TMEM87A: variants seen among roughly 807,000 people sequenced by gnomAD.
TMEM87A encodes the protein transmembrane protein 87A, also known as Golgi-pH regulating cation channel.
Under a neutral mutation model 90.0 loss-of-function variants are expected in TMEM87A, and 50 were observed. The ratio of observed to expected loss-of-function variants is 0.56; its 90% CI spans 0.44 to 0.70. TMEM87A has a LOEUF of 0.70. Among genes scored for constraint, TMEM87A ranks in the 30% least tolerant of loss-of-function variants. TMEM87A has a pLI of 0.00. For missense variants in TMEM87A, 577 were observed against 660.5 expected, an observed-to-expected ratio of 0.87 and a Z score of 1.39; for synonymous variants, 226 against 226.7, an observed-to-expected ratio of 1.00 and a Z score of 0.03.
At chr15:42,213,319 T>C (rs1268707207) in intron 19 of TMEM87A, among the ~76,000 whole-genome samples, 1 of 152,182 alleles carries the variant, frequency 6.6e-6, no homozygotes, top group African/African-American at 2.4e-5. Flanking sequence ...AAGTGGAAGT[T>C]TGGACTAGCA....
chr15:42,215,414 T>TTTCTTGTTG (rs1201440728), intron 19 of TMEM87A, among the ~76,000 whole-genome samples: 15 of 152,272 alleles, frequency 9.9e-5, no homozygotes, highest in African/African-American at 3.6e-4. Context: ...GGCAGGAGAA[T>TTTCTTGTTG]GGCGTGAACC....
At chr15:42,265,190 G>A (rs930655116) in intron 3 of TMEM87A, among the ~76,000 whole-genome samples, 5 of 152,178 alleles carry the variant, frequency 3.3e-5, no homozygotes, top group East Asian at 3.9e-4. Context: ...ATGTCTTTAC[G>A]GTAGAATGAT....
intron 6 of TMEM87A, chr15:42,258,237 A>G: frequency 1.2e-6 from 1 of 867,240 alleles, no homozygotes; most frequent in Non-Finnish European, 1.4e-6. Context: ...TACAAAAAAA[A>G]GTCATATAAT....
At chr15:42,215,693 G>A (rs1478156920) in intron 19 of TMEM87A, among the ~76,000 whole-genome samples, 1 of 152,096 alleles carries the variant, frequency 6.6e-6, no homozygotes, top group Non-Finnish European at 1.5e-5. Context: ...ACCACAAGGT[G>A]TCACGTCACA....
At chr15:42,268,721 T>C (rs1171278608) in intron 2 of TMEM87A, among the ~76,000 whole-genome samples, 1 of 151,788 alleles carries the variant, frequency 6.6e-6, no homozygotes, top group African/African-American at 2.4e-5. Context: ...TACAAAGGTA[T>C]AATGGCACAC....
intron 15 of TMEM87A, among the ~76,000 whole-genome samples, chr15:42,220,859 T>G (rs1032579134): frequency 6.6e-6 from 1 of 152,180 alleles, no homozygotes; most frequent in Non-Finnish European, 1.5e-5. Flanking sequence ...TGGCATGATC[T>G]CACCTCACTG....
intron 6 of TMEM87A, 69 bp from the exon 7 acceptor site, chr15:42,244,236 T>C: frequency 3.6e-6 from 4 of 1,096,152 alleles, no homozygotes; most frequent in East Asian, 2.7e-5. Flanking sequence ...TAATACAATA[T>C]GCAAATTTTG....
At chr15:42,243,300 A>G (rs2050907410) in intron 7 of TMEM87A, among the ~76,000 whole-genome samples, 1 of 111,526 alleles carries the variant, frequency 9.0e-6, no homozygotes, top group Admixed American at 9.4e-5. Context: ...AAATAAATAA[A>G]TAAATAAATA....
intron 6 of TMEM87A, among the ~76,000 whole-genome samples, chr15:42,247,812 A>G (rs578060172): frequency 1.3e-5 from 2 of 152,220 alleles, no homozygotes; most frequent in Admixed American, 6.5e-5. Context: ...ATTTTTTCCA[A>G]TTCTGTGAAG....
At chr15:42,219,990 T>C (rs2050446101) in intron 16 of TMEM87A, 72 bp downstream of exon 16, 4 of 1,357,572 alleles carry the variant, frequency 2.9e-6, no homozygotes, top group African/African-American at 1.5e-5. Flanking sequence ...AACACAGTTA[T>C]AAAATAATAA....
rs1386392744 is a variant in TMEM87A, at chr15:42,263,904, ACAAAG to A, written c.405+181_405+185del. On this transcript the variant is annotated intron_variant, in intron 4 of 19. Transcript: ENST00000389834. Reference sequence around the variant, plus strand: ...AAAAATGGGGGTTTGCTTTTTACACACAAAGCAAAGTACAACCTCTCTTTGATGAG... The same window carrying A: ...AAAAATGGGGGTTTGCTTTTTACACACAAAGTACAACCTCTCTTTGATGAG... Among the ~76,000 whole-genome samples, 5 of 152,368 alleles carry A rather than the reference ACAAAG, an allele frequency of 3.3e-5. No homozygotes were observed. In the East Asian group the frequency reaches 7.7e-4, roughly 23 times the overall value.
chr15:42,269,200 T>C (rs1385850909), intron 2 of TMEM87A, among the ~76,000 whole-genome samples: 2 of 152,206 alleles, frequency 1.3e-5, no homozygotes. Flanking sequence ...TATTCGCTTT[T>C]ATCTTTGATT....
intron 15 of TMEM87A, among the ~76,000 whole-genome samples, chr15:42,221,763 T>A (rs1432039650): frequency 6.6e-6 from 1 of 152,086 alleles, no homozygotes; most frequent in East Asian, 1.9e-4. Context: ...TTTAAAAAAT[T>A]TTTTTGAGAC....
At chr15:42,234,097 T>C (rs1201277598) in intron 10 of TMEM87A, among the ~76,000 whole-genome samples, 1 of 152,136 alleles carries the variant, frequency 6.6e-6, no homozygotes, top group Non-Finnish European at 1.5e-5. Flanking sequence ...AAGAAACTTT[T>C]AAAAAACATC....
intron 8 of TMEM87A, 36 bp downstream of exon 8, chr15:42,239,634 T>A (rs772623124): frequency 2.6e-6 from 4 of 1,559,432 alleles, no homozygotes; most frequent in Non-Finnish European, 3.5e-6. Flanking sequence ...CCCAAAACCA[T>A]CCAATACTGA....
At position 42,210,692 on chromosome 15, in the gene TMEM87A, T is replaced by C. The variant is rs2050268116; in HGVS notation, c.*1016A>G. 1 of 152,610 alleles carries C rather than the reference T, an allele frequency of 6.6e-6. No individual in the cohort carries two copies. The highest frequency in any genetic ancestry group is 1.5e-5 in the Non-Finnish European group (1 of 68,042). 9.5% of individuals were successfully genotyped at this position (152,610 alleles called of 1,614,324 possible). A position where few individuals can be genotyped will look rare whatever the true frequency, so the allele number is the denominator to read the frequency against. On this transcript the variant is annotated 3_prime_UTR_variant, in exon 20 of 20. Transcript: ENST00000389834. Reference sequence around the variant, plus strand: ...CCCTTATTAACAGTCTCTAAACCAATACCAGATACCAGAACAGTCCATCCT... The same window carrying C: ...CCCTTATTAACAGTCTCTAAACCAACACCAGATACCAGAACAGTCCATCCT...
At chr15:42,239,770 C>G (rs2050837524) in intron 7 of TMEM87A, 39 bp from the exon 8 acceptor site, 3 of 1,556,198 alleles carry the variant, frequency 1.9e-6, no homozygotes, top group Non-Finnish European at 2.7e-6. Flanking sequence ...TTACAGGATG[C>G]AGAAATTAAA....
At chr15:42,247,382 AT>A (rs1184270125) in intron 6 of TMEM87A, among the ~76,000 whole-genome samples, 1 of 152,116 alleles carries the variant, frequency 6.6e-6, no homozygotes, top group Admixed American at 6.5e-5. Flanking sequence ...CCTGAATGGT[AT>A]TGCCTAGGTT....
intron 6 of TMEM87A, among the ~76,000 whole-genome samples, chr15:42,245,780 C>A (rs2050961572): frequency 6.6e-6 from 1 of 152,070 alleles, no homozygotes; most frequent in African/African-American, 2.4e-5. Flanking sequence ...GATCCACCCA[C>A]CTTGGCCTCC....
Sources: gnomAD v4.1 joint callset for allele counts (sites outside exome capture counted in the v4.1 genomes callset) on GRCh38, gnomAD v4.1.1 for gene constraint, MANE v1.5 for transcripts, NCBI Gene and HGNC (gene_info 2026-07-23, HGNC 2026-07-21) for gene names.